PRMT7: variants seen among roughly 807,000 people sequenced by gnomAD.
PRMT7 encodes the protein protein arginine N-methyltransferase 7.
Under a neutral mutation model 85.4 loss-of-function variants are expected in PRMT7, and 75 were observed. The ratio of observed to expected loss-of-function variants is 0.88; its 90% CI spans 0.73 to 1.06. The LOEUF is 1.06. Ranked by LOEUF, PRMT7 falls within the 50% of genes least tolerant of loss-of-function variation. PRMT7 has a pLI of 0.00. For synonymous variants in PRMT7, 397 were observed against 359.5 expected, an observed-to-expected ratio of 1.10 and a Z score of -1.18; for missense variants, 868 against 915.2, an observed-to-expected ratio of 0.95 and a Z score of 0.67.
downstream of PRMT7, chr16:68,359,210 T>G (rs1401953175): frequency 1.3e-5 from 2 of 152,222 alleles, no homozygotes; most frequent in Non-Finnish European, 2.9e-5. Flanking sequence ...GGTCTAGGGG[T>G]CCAGGGCCGG....
chr16:68,342,448 T>A (rs1006257532), intron 9 of PRMT7, among the ~76,000 whole-genome samples: 2 of 152,196 alleles, frequency 1.3e-5, no homozygotes, highest in African/African-American at 4.8e-5. Flanking sequence ...AAAGGCAGTT[T>A]TGGTTTCAGG....
chr16:68,360,015 G>T, downstream of PRMT7: 1 of 153,052 alleles, frequency 6.5e-6, no homozygotes, highest in Non-Finnish European at 1.5e-5. Flanking sequence ...GTGAGGGCCA[G>T]GCTGCTCTCT....
rs760681287 is a variant in PRMT7, at chr16:68,347,618, G to A, written c.1276-13G>A. 1 of 1,611,180 alleles carries A rather than the reference G, an allele frequency of 6.2e-7. No individual in the cohort carries two copies. Among genetic ancestry groups the A allele is most frequent in the Non-Finnish European group, 8.5e-7 (1 of 1,177,410 alleles). On this transcript the variant is annotated splice_polypyrimidine_tract_variant and intron_variant, in intron 12 of 18. Coordinates refer to ENST00000441236, the MANE Select transcript of PRMT7 (RefSeq NM_019023.5). ...TGAATATCTTACAACTAATAGCGTG[G>A]TGTTCCCTCTAGGTGTTTACAGTCG...
chr16:68,329,018 G>A, intron 5 of PRMT7, 48 bp from the exon 6 acceptor site: 1 of 1,362,416 alleles, frequency 7.3e-7, no homozygotes, highest in East Asian at 2.3e-5. Flanking sequence ...TCAGACTACT[G>A]TTTAATTTAT....
intron 6 of PRMT7, among the ~76,000 whole-genome samples, chr16:68,331,291 T>C (rs142402747): frequency 9.8e-5 from 15 of 152,298 alleles, no homozygotes; most frequent in Non-Finnish European, 2.1e-4. Context: ...GTCCGTTCTT[T>C]TGTGTTACTG....
chr16:68,349,911 G>A (rs1249168819), intron 14 of PRMT7, among the ~76,000 whole-genome samples: 1 of 152,118 alleles, frequency 6.6e-6, no homozygotes, highest in African/African-American at 2.4e-5. Context: ...AAATGGGAAT[G>A]AAAAGAGAAC....
intron 2 of PRMT7, among the ~76,000 whole-genome samples, chr16:68,314,376 G>A (rs1347974109): frequency 3.9e-5 from 6 of 152,156 alleles, no homozygotes; most frequent in Non-Finnish European, 5.9e-5. Context: ...GAATACAGAC[G>A]TGCGCCACCA....
At chr16:68,356,314 G>A (rs1437952706) in intron 17 of PRMT7, among the ~76,000 whole-genome samples, 1 of 152,234 alleles carries the variant, frequency 6.6e-6, no homozygotes, top group Non-Finnish European at 1.5e-5. Context: ...TCTCCTGGAA[G>A]CACCTCCCAA....
At chr16:68,321,535 C>G in intron 4 of PRMT7, 73 bp downstream of exon 4, 1 of 1,401,964 alleles carries the variant, frequency 7.1e-7, no homozygotes, top group East Asian at 2.3e-5. Context: ...GGTTAAGAAT[C>G]CCTGGGGGTC....
At chr16:68,332,970 A>G (rs929763238) in intron 6 of PRMT7, among the ~76,000 whole-genome samples, 1 of 151,928 alleles carries the variant, frequency 6.6e-6, no homozygotes, top group Admixed American at 6.6e-5. Flanking sequence ...CACTTATTCC[A>G]CTATGGCCAG....
chr16:68,352,130 G>C (rs771210882), intron 14 of PRMT7, 118 bp from the exon 15 acceptor site: 1 of 1,066,140 alleles, frequency 9.4e-7, no homozygotes, highest in Admixed American at 2.1e-5. Context: ...GGGAGGGAGA[G>C]GGAGGGAGTG....
chr16:68,338,243 T>G (rs1471830069), intron 7 of PRMT7, among the ~76,000 whole-genome samples: 1 of 152,096 alleles, frequency 6.6e-6, no homozygotes, highest in Admixed American at 6.6e-5. Context: ...CAGCTAAGGC[T>G]GTAGACAGAG....
downstream of PRMT7, chr16:68,359,051 T>G (rs777712002): frequency 4.6e-5 from 7 of 152,232 alleles, no homozygotes; most frequent in Non-Finnish European, 1.0e-4. Flanking sequence ...GCCTGTGAGG[T>G]GGGAGGGGAG....
intron 9 of PRMT7, among the ~76,000 whole-genome samples, chr16:68,341,531 C>A (rs1231278355): frequency 6.6e-6 from 1 of 152,166 alleles, no homozygotes; most frequent in East Asian, 1.9e-4. Context: ...TGCCTCAGCC[C>A]CCTGAGTAGC....
rs1326514480 is a variant in PRMT7 at position 68,324,714 on chromosome 16, C to T, written c.164C>T (p.Ala55Val). 2 of 1,614,116 alleles carry T rather than the reference C, an allele frequency of 1.2e-6. No individual in the cohort carries two copies. Among genetic ancestry groups the T allele is most frequent in the East Asian group, 2.2e-5 (1 of 44,898 alleles). The change falls in exon 5 of 19, where the codon GCC becomes GTC. Residue 55 changes from alanine (A) to valine (V), a missense_variant. Physicochemically the swap from Ala to Val is moderately conservative, Grantham distance 64. Transcript: ENST00000441236. The stretch of plus-strand genomic sequence containing the variant: ...AAATACTACCAAGGTATCCGGGCTG[C>T]CGTGAGCAGGGTGAAGGACAGAGGA... Reference protein sequence around the residue: ...NVKYYQGIRAAVSRVKDRGQK... With the variant: ...NVKYYQGIRAVVSRVKDRGQK...
intron 3 of PRMT7, 34 bp downstream of exon 3, chr16:68,316,108 G>A: frequency 1.3e-6 from 2 of 1,581,356 alleles, no homozygotes; most frequent in Non-Finnish European, 1.7e-6. Context: ...CTGCAGCTGG[G>A]TGGGGCACTT....
At chr16:68,336,213 G>A (rs1342676034) in intron 6 of PRMT7, among the ~76,000 whole-genome samples, 1 of 152,180 alleles carries the variant, frequency 6.6e-6, no homozygotes, top group African/African-American at 2.4e-5. Flanking sequence ...TCTCCCTGAT[G>A]AATAGCCCCT....
chr16:68,321,950 ATTT>A (rs751720148), intron 4 of PRMT7, among the ~76,000 whole-genome samples: 1 of 140,682 alleles, frequency 7.1e-6, no homozygotes, highest in Non-Finnish European at 1.6e-5. Context: ...TGAGTTCAAC[ATTT>A]TTTTTTTTTT....
intron 13 of PRMT7, among the ~76,000 whole-genome samples, chr16:68,347,987 A>T (rs2086662393): frequency 6.6e-6 from 1 of 152,184 alleles, no homozygotes; most frequent in African/African-American, 2.4e-5. Context: ...GTGCTGAGGG[A>T]GCCAGTGCTC....
Sources: gnomAD v4.1 joint callset for allele counts (sites outside exome capture counted in the v4.1 genomes callset) on GRCh38, gnomAD v4.1.1 for gene constraint, MANE v1.5 for transcripts, NCBI Gene and HGNC (gene_info 2026-07-23, HGNC 2026-07-21) for gene names.